TOLLIP: variants seen among roughly 807,000 people sequenced by gnomAD.
The protein encoded by TOLLIP is toll interacting protein.
Under a neutral mutation model 33.5 loss-of-function variants are expected in TOLLIP, and 16 were observed. The observed-to-expected ratio is 0.48, with a 90% CI of 0.32 to 0.72. The LOEUF (loss-of-function observed/expected upper bound fraction) is 0.72. TOLLIP is among the 30% of genes least tolerant of loss of function. The probability of loss-of-function intolerance (pLI) is 0.03; values close to 1 mark genes in which losing one functional copy is unlikely to be tolerated. For synonymous variants in TOLLIP, 176 were observed against 163.7 expected (o/e 1.07, Z -0.57); for missense variants, 325 against 396.6 (o/e 0.82, Z 1.53).
At chr11:1,306,667 G>A (rs771676395) in intron 1 of TOLLIP, among the ~76,000 whole-genome samples, 2 of 152,100 alleles carry the variant, frequency 1.3e-5, no homozygotes, top group African/African-American at 2.4e-5. Context: ...CATGCTCAGC[G>A]AAGCAGGCTG....
intron 1 of TOLLIP, among the ~76,000 whole-genome samples, chr11:1,301,284 TA>T (rs1426123855): frequency 6.6e-6 from 1 of 152,226 alleles, no homozygotes; most frequent in Non-Finnish European, 1.5e-5. Context: ...AGCGATGGGC[TA>T]AATACGTTCT....
Position 1,276,686 on chromosome 11 carries a change from G to C in TOLLIP, c.*353C>G, listed in dbSNP as rs1192688274. On this transcript the variant is annotated 3_prime_UTR_variant, in exon 6 of 6. Transcript: ENST00000317204. ...ATCACATCACAAAATGCCATGAATG[G>C]AATCGGAAGGCGCTCCACCACCTCC... is the stretch of plus-strand genomic sequence containing the variant. 7.2e-7 allele frequency: 1 copy of C among 1,383,704 alleles called. No homozygotes were observed. The highest frequency in any genetic ancestry group is 2.2e-5 in the Admixed American group (1 of 46,104). The allele number at this position is 1,383,704 out of a possible 1,614,324, so 85.7% of individuals were successfully genotyped here. A position where few individuals can be genotyped will look rare whatever the true frequency, so the allele number is the denominator to read the frequency against.
intron 5 of TOLLIP, among the ~76,000 whole-genome samples, chr11:1,280,504 G>C (rs2133881014): frequency 6.6e-6 from 1 of 152,202 alleles, no homozygotes; most frequent in Non-Finnish European, 1.5e-5. Context: ...GCGCCGGTGA[G>C]GACGTGGGGG....
At position 1,275,466 on chromosome 11, in the gene TOLLIP, G is replaced by A. The variant is rs1049482107; in HGVS notation, c.*1573C>T. ...GGAGAAGAAATCTACACAGGCGTAAGACCAGGCCATCTGAGACAGGGAATC... is the reference window on the plus strand; with the variant it reads ...GGAGAAGAAATCTACACAGGCGTAAAACCAGGCCATCTGAGACAGGGAATC... On this transcript the variant is annotated 3_prime_UTR_variant, in exon 6 of 6. Coordinates refer to ENST00000317204, the MANE Select transcript of TOLLIP (RefSeq NM_019009.4). The A allele has an allele frequency of 3.3e-5, 5 of 152,136 alleles. No homozygotes were observed. Among genetic ancestry groups the A allele is most frequent in the Non-Finnish European group, 5.9e-5 (4 of 68,044 alleles). The allele number at this position is 152,136 out of a possible 1,614,324, so 9.4% of individuals were successfully genotyped here.
intron 1 of TOLLIP, among the ~76,000 whole-genome samples, chr11:1,304,550 C>T (rs909971288): frequency 2.0e-5 from 3 of 152,244 alleles, no homozygotes; most frequent in South Asian, 2.1e-4. Context: ...CAGGACGGGG[C>T]GGCCGAGGTC....
chr11:1,285,906 C>T, intron 5 of TOLLIP, 96 bp downstream of exon 5: 3 of 878,442 alleles, frequency 3.4e-6, no homozygotes, highest in East Asian at 5.6e-5. Context: ...GACGTCCCCA[C>T]CCCGGCGCTC....
intron 1 of TOLLIP, chr11:1,298,244 C>G (rs1441173344): frequency 6.6e-6 from 1 of 152,344 alleles, no homozygotes; most frequent in Non-Finnish European, 1.5e-5. Context: ...CTCCTGGGCA[C>G]ACATGGCAGA....
intron 1 of TOLLIP, among the ~76,000 whole-genome samples, chr11:1,306,398 TA>T (rs912189641): frequency 6.6e-6 from 1 of 151,576 alleles, no homozygotes; most frequent in African/African-American, 2.4e-5. Flanking sequence ...CCCTTATCAC[TA>T]GGGGGAGGCA....
intron 1 of TOLLIP, among the ~76,000 whole-genome samples, chr11:1,299,781 T>C (rs1864211756): frequency 6.6e-6 from 1 of 152,248 alleles, no homozygotes; most frequent in Non-Finnish European, 1.5e-5. Flanking sequence ...CTCGGGCACG[T>C]GAGCACAGGA....
In TOLLIP at chr11:1,303,248, C is replaced by A. The variant is rs1006222284; in HGVS notation, c.33+6218G>T. Among the ~76,000 whole-genome samples, 6 of 152,106 alleles carry A rather than the reference C, an allele frequency of 3.9e-5. No individual in the cohort carries two copies. The highest frequency in any genetic ancestry group is 1.4e-4 in the African/African-American group (6 of 41,410). Reference sequence around the variant, plus strand: ...CAGCCTTGCATCCTAAGTGCTGGGACGGTCAAGCAAGGCAGAGGCGGAAAA... The same window carrying A: ...CAGCCTTGCATCCTAAGTGCTGGGAAGGTCAAGCAAGGCAGAGGCGGAAAA... On this transcript the variant is annotated intron_variant, in intron 1 of 5. Coordinates refer to ENST00000317204, the MANE Select transcript of TOLLIP (RefSeq NM_019009.4). This position sits in a 1 kb window ranked among gnomAD's most constrained non-coding sequence, Gnocchi z 4.2.
At chr11:1,279,029 C>A (rs892886971) in intron 5 of TOLLIP, among the ~76,000 whole-genome samples, 1 of 152,204 alleles carries the variant, frequency 6.6e-6, no homozygotes, top group Non-Finnish European at 1.5e-5. Context: ...ACATGAGGAA[C>A]GGAGGCACCG....
intron 1 of TOLLIP, chr11:1,306,174 TC>T (rs1195145251): frequency 6.6e-6 from 1 of 152,192 alleles, no homozygotes; most frequent in Non-Finnish European, 1.5e-5. Flanking sequence ...GGCTGAAGCA[TC>T]CCTTAGTGGC....
rs1863916805 is a variant in TOLLIP, at chr11:1,290,989, A to G, written c.184-580T>C. 1.3e-5 allele frequency: 2 copies of G among 153,834 alleles called. No homozygotes were observed. Among genetic ancestry groups the G allele is most frequent in the Admixed American group, 6.4e-5 (1 of 15,570 alleles). The allele number at this position is 153,834 out of a possible 1,614,324, so 9.5% of individuals were successfully genotyped here. A position where few individuals can be genotyped will look rare whatever the true frequency, so the allele number is the denominator to read the frequency against. The stretch of plus-strand genomic sequence containing the variant: ...GGAACTTGTCTTTCTTGTGTCTCCC[A>G]ATCACAAGGAGCCACATCACATGTA... On this transcript the variant is annotated intron_variant, in intron 2 of 5. Coordinates refer to ENST00000317204, the MANE Select transcript of TOLLIP (RefSeq NM_019009.4). The surrounding 1 kb of genome is among the most constrained non-coding windows in gnomAD (Gnocchi z 4.9).
chr11:1,288,631 G>C lies in TOLLIP; in HGVS notation c.512C>G (p.Ser171Cys). Reference protein sequence around the residue: ...DKEGMINLVMSYALLPAAMVM... With the variant: ...DKEGMINLVMCYALLPAAMVM... ...CCCAGGCGTGCAGCTCACCGCGTAGGACATGACGAGGTTGATCATGCCCTC... is the reference window on the plus strand; with the variant it reads ...CCCAGGCGTGCAGCTCACCGCGTAGCACATGACGAGGTTGATCATGCCCTC... Residue 171 changes from serine to cysteine, a missense_variant, in exon 4 of 6, where the codon TCC (serine) becomes TGC (cysteine). By Grantham distance (112) the Ser-to-Cys change is moderately radical. Transcript: ENST00000317204. The C allele has an allele frequency of 6.2e-7, 1 of 1,612,240 alleles. No individual in the cohort carries two copies. Among genetic ancestry groups the C allele is most frequent in the East Asian group, 2.2e-5 (1 of 44,878 alleles).
intron 2 of TOLLIP, among the ~76,000 whole-genome samples, chr11:1,295,221 G>A (rs1330705775): frequency 2.0e-5 from 3 of 152,254 alleles, no homozygotes; most frequent in Non-Finnish European, 4.4e-5. Flanking sequence ...CGGCCCCGAG[G>A]CTGACCGAGG....
chr11:1,295,867 C>A, intron 1 of TOLLIP, 73 bp from the exon 2 acceptor site: 1 of 1,476,892 alleles, frequency 6.8e-7, no homozygotes, highest in East Asian at 2.5e-5. Flanking sequence ...CAGCTGCCCC[C>A]GGCATTCCCG....
At chr11:1,294,489 C>T (rs1864052712) in intron 2 of TOLLIP, among the ~76,000 whole-genome samples, 1 of 53,630 alleles carries the variant, frequency 1.9e-5, no homozygotes, top group Admixed American at 2.2e-4. Flanking sequence ...GCGTGGCTCA[C>T]AGTGTGTCTC....
intron 1 of TOLLIP, among the ~76,000 whole-genome samples, 169 bp downstream of exon 1, chr11:1,309,297 C>T (rs1864522236): frequency 6.6e-6 from 1 of 151,940 alleles, no homozygotes; most frequent in East Asian, 1.9e-4. Context: ...CCCGCCCCGC[C>T]CCGAGGTGTG....
chr11:1,286,500 C>A (rs1249261435), intron 4 of TOLLIP, among the ~76,000 whole-genome samples: 1 of 152,178 alleles, frequency 6.6e-6, no homozygotes, highest in Non-Finnish European at 1.5e-5. Flanking sequence ...TCAAAACTGT[C>A]CACTGTGGAT....
Sources: allele counts gnomAD v4.1 joint callset (sites outside exome capture counted in the v4.1 genomes callset), GRCh38; gene constraint gnomAD v4.1.1; non-coding constraint Gnocchi (gnomAD v3.1); transcripts MANE v1.5; gene names NCBI Gene and HGNC (gene_info 2026-07-23, HGNC 2026-07-21).